SRPK2: variants seen among roughly 807,000 people sequenced by gnomAD.
The protein encoded by SRPK2 is SFRS protein kinase 2.
A neutral mutation model predicts 90.8 loss-of-function variants in SRPK2; 21 were observed. The observed-to-expected ratio is 0.23, with a 90% CI of 0.16 to 0.33. The LOEUF is 0.33. SRPK2 is among the 10% of genes least tolerant of loss of function. The pLI, the probability that SRPK2 is intolerant of heterozygous loss-of-function variation, is 1.00. For missense variants in SRPK2, 620 were observed against 869.0 expected, an observed-to-expected ratio of 0.71 and a Z score of 3.60; for synonymous variants, 288 against 311.1, an observed-to-expected ratio of 0.93 and a Z score of 0.78.
intron 3 of SRPK2, among the ~76,000 whole-genome samples, chr7:105,172,152 C>A (rs1791241339): frequency 6.6e-6 from 1 of 152,154 alleles, no homozygotes; most frequent in Admixed American, 6.5e-5. Context: ...CCTTGGCCTC[C>A]CAAAATGCTG....
At chr7:105,326,035 C>T (rs771565181) in intron 2 of SRPK2, among the ~76,000 whole-genome samples, 12 of 152,182 alleles carry the variant, frequency 7.9e-5, no homozygotes, top group Non-Finnish European at 1.2e-4. Context: ...CACGGGGACA[C>T]GGGTCTGGTG....
intron 2 of SRPK2, among the ~76,000 whole-genome samples, chr7:105,283,174 G>A (rs1807570804): frequency 6.6e-6 from 1 of 152,204 alleles, no homozygotes; most frequent in African/African-American, 2.4e-5. Context: ...AGAATTTCGA[G>A]ACTTCAGGCA....
At chr7:105,324,579 T>G (rs1813347750) in intron 2 of SRPK2, among the ~76,000 whole-genome samples, 2 of 152,176 alleles carry the variant, frequency 1.3e-5, no homozygotes, top group Non-Finnish European at 2.9e-5. Flanking sequence ...GTTGCTGTTT[T>G]AGTGAGAGTG....
intron 2 of SRPK2, among the ~76,000 whole-genome samples, chr7:105,273,273 C>T (rs1025037274): frequency 2.6e-5 from 4 of 151,804 alleles, no homozygotes; most frequent in Admixed American, 2.6e-4. Context: ...TTATATCATA[C>T]GCTCTGGAAA....
At chr7:105,299,691 T>C (rs1418854722) in intron 2 of SRPK2, among the ~76,000 whole-genome samples, 1 of 152,086 alleles carries the variant, frequency 6.6e-6, no homozygotes, top group Non-Finnish European at 1.5e-5. Flanking sequence ...TCAGGAGTTC[T>C]AGACCAGCCT....
intron 3 of SRPK2, among the ~76,000 whole-genome samples, chr7:105,192,704 C>T (rs1794453887): frequency 6.6e-6 from 1 of 152,176 alleles, no homozygotes; most frequent in Non-Finnish European, 1.5e-5. Context: ...TCCATGCTAA[C>T]ATCTATTATT....
intron 1 of SRPK2, among the ~76,000 whole-genome samples, chr7:105,396,773 A>AC (rs1822336006): frequency 9.2e-6 from 1 of 108,806 alleles, no homozygotes; most frequent in Non-Finnish European, 1.7e-5. Flanking sequence ...AGAGAGAAAG[A>AC]AAGAGAGAGA....
At position 105,150,157 on chromosome 7, in the gene SRPK2, T is replaced by G. The variant is rs76391468; in HGVS notation, c.622-3499A>C. 3.1e-3 allele frequency among the ~76,000 whole-genome samples: 466 copies of G among 152,362 alleles called. 14 individuals are homozygous for G. In the East Asian group the frequency reaches 0.062, roughly 20 times the overall value. On this transcript the variant is annotated intron_variant, in intron 7 of 15. Transcript: ENST00000393651. ...AGTAGATAAAACTAGGATAAGATTT[T>G]AAGACATTTTTTGCCTTAGAATATT...
chr7:105,161,708 T>C (rs1807686873), intron 6 of SRPK2, among the ~76,000 whole-genome samples: 1 of 152,220 alleles, frequency 6.6e-6, no homozygotes, highest in Non-Finnish European at 1.5e-5. Flanking sequence ...TGCCTAAATT[T>C]CTACTTGATA....
At chr7:105,377,452 G>T (rs560071448) in intron 2 of SRPK2, among the ~76,000 whole-genome samples, 1 of 152,156 alleles carries the variant, frequency 6.6e-6, no homozygotes, top group Non-Finnish European at 1.5e-5. Flanking sequence ...CAGCACTTTG[G>T]GGGGCGGAGG....
At chr7:105,255,303 T>G (rs922000136) in intron 2 of SRPK2, among the ~76,000 whole-genome samples, 3 of 151,758 alleles carry the variant, frequency 2.0e-5, no homozygotes, top group Non-Finnish European at 4.4e-5. Flanking sequence ...CTTTACTAGT[T>G]GCACAGCAAA....
intron 2 of SRPK2, among the ~76,000 whole-genome samples, chr7:105,320,251 G>A (rs776950943): frequency 6.6e-6 from 1 of 152,074 alleles, no homozygotes; most frequent in African/African-American, 2.4e-5. Flanking sequence ...CAAGGTACAA[G>A]AATAAACCTT....
chr7:105,279,480 A>ATCCC (rs1806976466), intron 2 of SRPK2, among the ~76,000 whole-genome samples: 1 of 152,126 alleles, frequency 6.6e-6, no homozygotes, highest in Admixed American at 6.6e-5. Context: ...CAAAAGTGGG[A>ATCCC]TCCCTATTCC....
chr7:105,165,861 C>T (rs1333279179), intron 6 of SRPK2, among the ~76,000 whole-genome samples: 1 of 152,142 alleles, frequency 6.6e-6, no homozygotes, highest in Non-Finnish European at 1.5e-5. Context: ...GGGTCCACAC[C>T]AACTTTAAGA....
chr7:105,323,967 TTGTGTGTGTGTGTGTG>T (rs58288208), intron 2 of SRPK2, among the ~76,000 whole-genome samples: 21,704 of 133,722 alleles, frequency 0.16, 2,183 homozygotes, highest in East Asian at 0.54. Context: ...AGACTATTCT[TTGTGTGTGTGTGTGTG>T]TGTGTGTGTG....
chr7:105,244,785 C>A, intron 2 of SRPK2: 2 of 978,212 alleles, frequency 2.0e-6, no homozygotes, highest in East Asian at 2.4e-5. Context: ...GACATGATCC[C>A]GGAGGCATGT....
chr7:105,198,150 A>G (rs1451903102), intron 3 of SRPK2, among the ~76,000 whole-genome samples: 9 of 152,214 alleles, frequency 5.9e-5, no homozygotes. Flanking sequence ...AGCAGATTTT[A>G]GTGTTCAATG....
At chr7:105,312,464 G>A (rs1054023174) in intron 2 of SRPK2, among the ~76,000 whole-genome samples, 12 of 124,972 alleles carry the variant, frequency 9.6e-5, no homozygotes, top group South Asian at 2.5e-4. Context: ...ACAAGCGGGG[G>A]TAGATGAACC....
upstream of SRPK2, among the ~76,000 whole-genome samples, chr7:105,390,607 G>GTTTTTTTTTTTTTTT (rs869259356): frequency 9.2e-6 from 1 of 109,008 alleles, no homozygotes; most frequent in East Asian, 4.3e-4. Flanking sequence ...TTTTGTTTTT[G>GTTTTTTTTTTTTTTT]TTTTTTTTTT....
Sources: allele counts gnomAD v4.1 joint callset (sites outside exome capture counted in the v4.1 genomes callset), GRCh38; gene constraint gnomAD v4.1.1; transcripts MANE v1.5; gene names NCBI Gene and HGNC (gene_info 2026-07-23, HGNC 2026-07-21).